Variants in CTNND2 observed in about 807,000 individuals in gnomAD.
The protein encoded by CTNND2 is catenin delta-2.
A neutral mutation model predicts 144.4 loss-of-function variants in CTNND2; 22 were observed. The ratio of observed to expected loss-of-function variants is 0.15; its 90% confidence interval spans 0.11 to 0.22. The LOEUF is 0.22. CTNND2 is among the 10% of genes least tolerant of loss of function. The probability of loss-of-function intolerance (pLI) is 1.00; values close to 1 mark genes in which losing one functional copy is unlikely to be tolerated. For synonymous variants in CTNND2, 751 were observed against 695.6 expected, an observed-to-expected ratio of 1.08 and a Z score of -1.25; for missense variants, 1,353 against 1,618.8, an observed-to-expected ratio of 0.84 and a Z score of 2.82.
At chr5:11,841,948 T>C (rs1794494912) in intron 1 of CTNND2, among the ~76,000 whole-genome samples, 1 of 151,906 alleles carries the variant, frequency 6.6e-6, no homozygotes, top group Non-Finnish European at 1.5e-5. Context: ...GAAGGTCTGC[T>C]CTCTTCTTTT....
chr5:11,185,514 AC>A (rs1479754176), intron 11 of CTNND2, among the ~76,000 whole-genome samples: 3 of 152,224 alleles, frequency 2.0e-5, no homozygotes, highest in Admixed American at 6.5e-5. Flanking sequence ...TTAGGAAACC[AC>A]TTCACAGAGA....
rs1385597301 is a variant in CTNND2, at chr5:11,772,906, G to A, written c.38-40634C>T. Among the ~76,000 whole-genome samples the A allele has an allele frequency of 7.2e-5, 11 of 152,212 alleles. 1 individual carries two copies. Among genetic ancestry groups the A allele is most frequent in the African/African-American group, 2.7e-4 (11 of 41,448 alleles). ...AACACAACTCAAATTTGTTATGGTT[G>A]TGGAGCCTGAAATAAATAATGCTGC... On this transcript the variant is annotated intron_variant, in intron 1 of 21. Transcript: ENST00000304623.
intron 2 of CTNND2, among the ~76,000 whole-genome samples, chr5:11,719,905 C>T (rs6861373): frequency 0.32 from 49,102 of 151,222 alleles, 11,509 homozygotes; most frequent in African/African-American, 0.67. Flanking sequence ...TTTTTTCGTA[C>T]CCTAGTATCC....
chr5:11,092,398 T>G (rs1750864733), intron 15 of CTNND2, among the ~76,000 whole-genome samples: 1 of 152,204 alleles, frequency 6.6e-6, no homozygotes, highest in African/African-American at 2.4e-5. Flanking sequence ...GCAAAACTAT[T>G]AAAAATGGGT....
intron 2 of CTNND2, among the ~76,000 whole-genome samples, chr5:11,624,524 G>A (rs941481774): frequency 6.6e-6 from 1 of 152,060 alleles, no homozygotes; most frequent in Non-Finnish European, 1.5e-5. Context: ...AATGTACTCT[G>A]TAGGTTGTAT....
intron 16 of CTNND2, among the ~76,000 whole-genome samples, chr5:11,069,182 G>A (rs1747956375): frequency 6.6e-6 from 1 of 152,248 alleles, no homozygotes; most frequent in African/African-American, 2.4e-5. Context: ...TCAGGTTAGA[G>A]GAGGAGATGA....
At chr5:11,279,700 C>T (rs1311842660) in intron 9 of CTNND2, among the ~76,000 whole-genome samples, 3 of 152,180 alleles carry the variant, frequency 2.0e-5, no homozygotes, top group African/African-American at 4.8e-5. Flanking sequence ...CGTGGTTCTG[C>T]AGGCTGTACA....
At chr5:11,833,871 C>T (rs975329322) in intron 1 of CTNND2, among the ~76,000 whole-genome samples, 3 of 152,160 alleles carry the variant, frequency 2.0e-5, no homozygotes, top group African/African-American at 7.2e-5. Context: ...TGATAGTACA[C>T]ATTTTGTCAA....
At chr5:11,728,987 C>T (rs1230299388) in intron 2 of CTNND2, among the ~76,000 whole-genome samples, 1 of 152,028 alleles carries the variant, frequency 6.6e-6, no homozygotes, top group Non-Finnish European at 1.5e-5. Flanking sequence ...TACAAATCCC[C>T]TAATGAAGGA....
At chr5:11,396,305 A>C (rs1301586091) in intron 6 of CTNND2, among the ~76,000 whole-genome samples, 1 of 152,212 alleles carries the variant, frequency 6.6e-6, no homozygotes, top group Non-Finnish European at 1.5e-5. Flanking sequence ...GGTACCTCAA[A>C]ATTATAAAAA....
At chr5:11,683,271 A>C (rs1784500984) in intron 2 of CTNND2, among the ~76,000 whole-genome samples, 1 of 152,216 alleles carries the variant, frequency 6.6e-6, no homozygotes, top group Admixed American at 6.5e-5. Context: ...TCAGAATGTA[A>C]ACTCTAATGA....
chr5:11,629,724 G>A (rs1781325368), intron 2 of CTNND2, among the ~76,000 whole-genome samples: 1 of 152,164 alleles, frequency 6.6e-6, no homozygotes, highest in East Asian at 1.9e-4. Flanking sequence ...AGGCTGGAGT[G>A]CAGTAGTGCC....
intron 2 of CTNND2, among the ~76,000 whole-genome samples, chr5:11,613,233 A>T (rs1348002305): frequency 6.6e-6 from 1 of 152,252 alleles, no homozygotes; most frequent in Non-Finnish European, 1.5e-5. Flanking sequence ...TGTTGCAAGT[A>T]GCTTGGATAA....
At chr5:11,222,149 A>T (rs955699610) in intron 10 of CTNND2, among the ~76,000 whole-genome samples, 3 of 152,014 alleles carry the variant, frequency 2.0e-5, no homozygotes, top group African/African-American at 7.2e-5. Context: ...AAGACTACAA[A>T]CCTTTTGTGG....
chr5:11,076,911 G>A (rs1404066095), intron 16 of CTNND2, among the ~76,000 whole-genome samples: 1 of 152,130 alleles, frequency 6.6e-6, no homozygotes, highest in Admixed American at 6.5e-5. Context: ...CAGAACCAAT[G>A]ATGGAAAAGA....
At chr5:11,244,491 G>T (rs1314367697) in intron 9 of CTNND2, among the ~76,000 whole-genome samples, 1 of 151,942 alleles carries the variant, frequency 6.6e-6, no homozygotes, top group Non-Finnish European at 1.5e-5. Flanking sequence ...TGCCATATTG[G>T]CCAGGCTGGT....
chr5:11,030,029 G>A (rs1051880293), intron 16 of CTNND2, among the ~76,000 whole-genome samples: 2 of 140,474 alleles, frequency 1.4e-5, no homozygotes, highest in African/African-American at 5.1e-5. Flanking sequence ...AGGATTCTTG[G>A]CTGACAGTTT....
intron 10 of CTNND2, among the ~76,000 whole-genome samples, chr5:11,204,335 C>T (rs1580579849): frequency 6.6e-6 from 1 of 152,278 alleles, no homozygotes; most frequent in East Asian, 1.9e-4. Context: ...AAATGGTTTT[C>T]ATACCCTTTG....
intron 18 of CTNND2, among the ~76,000 whole-genome samples, chr5:11,012,541 T>A (rs1741199128): frequency 6.6e-6 from 1 of 152,178 alleles, no homozygotes. Context: ...CCCTAGCGCA[T>A]CTGAAACCTG....
Sources: gnomAD v4.1 joint callset for allele counts (sites outside exome capture counted in the v4.1 genomes callset) on GRCh38, gnomAD v4.1.1 for gene constraint, MANE v1.5 for transcripts, NCBI Gene and HGNC (gene_info 2026-07-23, HGNC 2026-07-21) for gene names.